Variants in INTS6 observed in about 807,000 individuals in gnomAD.
INTS6 encodes the protein integrator complex subunit 6, also known as DEAD box protein.
In INTS6, 16 loss-of-function variants were observed where a neutral mutation model predicts 104.9. The ratio of observed to expected loss-of-function variants is 0.15; its 90% confidence interval spans 0.10 to 0.23. The LOEUF (loss-of-function observed/expected upper bound fraction) is 0.23, where lower values mean the gene tolerates loss of function less well. Ranked by LOEUF, INTS6 falls within the 10% of genes least tolerant of loss-of-function variation. The pLI is 1.00. For synonymous variants in INTS6, 324 were observed against 358.7 expected, an observed-to-expected ratio of 0.90 and a Z score of 1.09; for missense variants, 584 against 1,062.8, an observed-to-expected ratio of 0.55 and a Z score of 6.26.
intron 3 of INTS6, among the ~76,000 whole-genome samples, chr13:51,355,552 T>G (rs1311672874): frequency 2.6e-5 from 4 of 152,248 alleles, no homozygotes; most frequent in African/African-American, 9.6e-5. Flanking sequence ...CAATACCTTC[T>G]CTGTCCTCTT....
At chr13:51,351,348 G>C (rs1955400982), downstream of INTS6, among the ~76,000 whole-genome samples, 1 of 152,062 alleles carries the variant, frequency 6.6e-6, no homozygotes, top group South Asian at 2.1e-4. Context: ...ATTCTAGTTG[G>C]TGTGAAGTAG....
chr13:51,344,126 T>TA, the INTS6 span: 1 of 702,664 alleles, frequency 1.4e-6, no homozygotes, highest in Non-Finnish European at 2.5e-6. Flanking sequence ...CTTTGTATGG[T>TA]AGATGAACCT....
intron 6 of INTS6, among the ~76,000 whole-genome samples, chr13:51,388,353 T>C (rs1158523897): frequency 6.6e-6 from 1 of 151,776 alleles, no homozygotes; most frequent in Non-Finnish European, 1.5e-5. Context: ...TCTCTAAATC[T>C]TTGTGTGTGT....
chr13:51,334,990 A>C, the INTS6 span, among the ~76,000 whole-genome samples: 1 of 151,616 alleles, frequency 6.6e-6, no homozygotes, highest in South Asian at 2.1e-4. Context: ...CTCAAAAAAA[A>C]AAAAAAAAAA....
intron 4 of INTS6, among the ~76,000 whole-genome samples, chr13:51,413,587 T>C (rs1593730429): frequency 6.6e-6 from 1 of 152,324 alleles, no homozygotes; most frequent in East Asian, 1.9e-4. Context: ...TTGGTTTTTA[T>C]GACAGAAACA....
chr13:51,351,721 G>C (rs1183460717), downstream of INTS6, among the ~76,000 whole-genome samples: 1 of 151,960 alleles, frequency 6.6e-6, no homozygotes, highest in Non-Finnish European at 1.5e-5. Context: ...TCTAGTTAGG[G>C]TCACAAAAAT....
rs1473217155 is a variant in INTS6, at chr13:51,362,021, C to A, written c.*3731G>T. On this transcript the variant is annotated 3_prime_UTR_variant, in exon 18 of 18. Coordinates refer to ENST00000311234, the MANE Select transcript of INTS6 (RefSeq NM_012141.3). ...AGCTGTTTTTATGGTGCTTCAGAAGCTACCCAGTTGCTATCTTCTATCCTA... is the reference window on the plus strand; with the variant it reads ...AGCTGTTTTTATGGTGCTTCAGAAGATACCCAGTTGCTATCTTCTATCCTA... 3.1e-6 allele frequency: 5 copies of A among 1,604,582 alleles called. No individual in the cohort carries two copies. In the Admixed American group the frequency reaches 8.6e-5, roughly 28 times the overall value.
At chr13:51,381,422 T>C (rs753397590) in intron 10 of INTS6, among the ~76,000 whole-genome samples, 1 of 152,192 alleles carries the variant, frequency 6.6e-6, no homozygotes, top group African/African-American at 2.4e-5. Flanking sequence ...TCCTCATCTA[T>C]GTAACAGAAC....
In INTS6 at chr13:51,362,705, A is replaced by G. The variant is rs965711828; in HGVS notation, c.*3047T>C. ...GCATTACTTTTATTTATGGAGAAAAATGTCAAAAGTTAGAATGAAAATTAT... is the reference window on the plus strand; with the variant it reads ...GCATTACTTTTATTTATGGAGAAAAGTGTCAAAAGTTAGAATGAAAATTAT... On this transcript the variant is annotated 3_prime_UTR_variant, in exon 18 of 18. Transcript: ENST00000311234. 1 of 152,418 alleles carries G rather than the reference A, an allele frequency of 6.6e-6. No homozygotes were observed. Among genetic ancestry groups the G allele is most frequent in the African/African-American group, 2.4e-5 (1 of 41,438 alleles). The allele number at this position is 152,418 out of a possible 1,614,324, so 9.4% of individuals were successfully genotyped here. A position where few individuals can be genotyped will look rare whatever the true frequency, so the allele number is the denominator to read the frequency against.
chr13:51,376,236 T>C lies in INTS6; in HGVS notation c.1603-62A>G, dbSNP rs958807713. 5.9e-6 allele frequency: 8 copies of C among 1,364,072 alleles called. No homozygotes were observed. The African/African-American group carries it at 1.2e-4, about 20-fold the overall frequency. The allele number at this position is 1,364,072 out of a possible 1,614,324, so 84.5% of individuals were successfully genotyped here. A position where few individuals can be genotyped will look rare whatever the true frequency, so the allele number is the denominator to read the frequency against. On this transcript the variant is annotated intron_variant, in intron 12 of 17. Transcript: ENST00000311234. Reference sequence around the variant, plus strand: ...AACATAGAATTACAAGAGACTAAAATCTCTAGCCTGCAGCATAGGTTTGGA... The same window carrying C: ...AACATAGAATTACAAGAGACTAAAACCTCTAGCCTGCAGCATAGGTTTGGA...
intron 3 of INTS6, chr13:51,438,272 T>C (rs967196249): frequency 2.6e-5 from 4 of 151,984 alleles, no homozygotes; most frequent in Non-Finnish European, 5.9e-5. Context: ...CAAGTGTTTA[T>C]AGATTTAAAA....
intron 3 of INTS6, chr13:51,355,249 T>G (rs1376676831): frequency 6.4e-6 from 3 of 466,438 alleles, no homozygotes; most frequent in Non-Finnish European, 1.1e-5. Context: ...TGTAAAAGAA[T>G]AAGAAAGGTG....
chr13:51,382,318 A>G (rs1295584064), intron 9 of INTS6, among the ~76,000 whole-genome samples, 195 bp from the exon 10 acceptor site: 3 of 152,262 alleles, frequency 2.0e-5, no homozygotes, highest in African/African-American at 7.2e-5. Context: ...ATGGTCTAAA[A>G]GTACATGCAG....
the INTS6 span, among the ~76,000 whole-genome samples, chr13:51,337,888 A>G: frequency 6.6e-6 from 1 of 152,346 alleles, no homozygotes; most frequent in Admixed American, 6.5e-5. Context: ...ATAGAAATAA[A>G]CATGATAATC....
At chr13:51,418,305 T>G (rs992247770) in intron 4 of INTS6, among the ~76,000 whole-genome samples, 1 of 152,172 alleles carries the variant, frequency 6.6e-6, no homozygotes, top group Non-Finnish European at 1.5e-5. Flanking sequence ...ACTGTTAAGA[T>G]TATGAGGAAA....
chr13:51,439,422 T>C (rs1475119984), intron 3 of INTS6: 1 of 152,198 alleles, frequency 6.6e-6, no homozygotes, highest in African/African-American at 2.4e-5. Flanking sequence ...TTTTAAGTTA[T>C]AGTACTTTTC....
At chr13:51,385,353 AG>A (rs1281558967) in intron 7 of INTS6, 1 of 152,182 alleles carries the variant, frequency 6.6e-6, no homozygotes, top group Non-Finnish European at 1.5e-5. Context: ...TAATGTTCAG[AG>A]GGGAAGCACT....
intron 15 of INTS6, among the ~76,000 whole-genome samples, chr13:51,369,674 A>T (rs1391394274): frequency 6.6e-6 from 1 of 152,202 alleles, no homozygotes; most frequent in Non-Finnish European, 1.5e-5. Context: ...TACCTTAGAG[A>T]GCCCTAACTC....
chr13:51,377,670 C>G (rs952368719), intron 12 of INTS6, among the ~76,000 whole-genome samples: 2 of 152,078 alleles, frequency 1.3e-5, no homozygotes, highest in African/African-American at 4.8e-5. Flanking sequence ...CACTAATCTC[C>G]TATGTTTATC....
Sources: gnomAD v4.1 joint callset for allele counts (sites outside exome capture counted in the v4.1 genomes callset) on GRCh38, gnomAD v4.1.1 for gene constraint, MANE v1.5 for transcripts, NCBI Gene and HGNC (gene_info 2026-07-23, HGNC 2026-07-21) for gene names.